The following CXCL2 variants were observed in gnomAD, a reference collection of about 807,000 sequenced individuals.
CXCL2 encodes C-X-C motif chemokine 2.
In CXCL2, 12 loss-of-function variants were observed where a neutral mutation model predicts 11.2. The observed-to-expected ratio is 1.08, with a 90% CI of 0.69 to 1.74. The LOEUF (loss-of-function observed/expected upper bound fraction) is 1.74, where lower values mean the gene tolerates loss of function less well. Among genes scored for constraint, CXCL2 ranks in the 40% most tolerant of loss-of-function variants. CXCL2 has a pLI of 0.00. For synonymous variants in CXCL2, 68 were observed against 61.9 expected (o/e 1.10, Z -0.47); for missense variants, 120 against 137.8 (o/e 0.87, Z 0.65).
At chr4:74,097,903 T>G (rs1721316176) in intron 3 of CXCL2, 132 bp from the exon 4 acceptor site, 1 of 930,496 alleles carries the variant, frequency 1.1e-6, no homozygotes, top group Non-Finnish European at 1.5e-6. Flanking sequence ...CCCAAGTGGG[T>G]ACTGCCTGTG....
At chr4:74,098,765 A>G in intron 2 of CXCL2, 34 bp downstream of exon 2, 2 of 1,613,608 alleles carry the variant, frequency 1.2e-6, no homozygotes, top group Non-Finnish European at 1.7e-6. Flanking sequence ...CGGGGACCCC[A>G]GCAGTGGCAG....
At position 74,098,827 on chromosome 4, in the gene CXCL2, CG is replaced by C; in HGVS notation, c.195del (p.Gly66AspfsTer10). On this transcript the variant is annotated frameshift_variant, in exon 2 of 4. Transcript: ENST00000508487. LOFTEE classifies it high-confidence loss of function. ...ACTTCGGTTTGGGCGCAGTGGGGTC[CG>C]GGGGACTTCACCTTCACACTTTGGA... Reference protein sequence around the residue: ...KNIQSVKVKSPGPHCAQTEVI... With the variant: ...KNIQSVKVKSXGPHCAQTEVI... The C allele has an allele frequency of 1.9e-6, 3 of 1,614,096 alleles. No individual in the cohort carries two copies. The highest frequency in any genetic ancestry group is 2.5e-6 in the Non-Finnish European group (3 of 1,179,996).
In CXCL2 at chr4:74,099,028, G is replaced by T. The variant is rs750947723; in HGVS notation, c.93C>A (p.Arg31=). The stretch of plus-strand genomic sequence containing the variant: ...CAGGGCGCCGGGACCCACCTGCTGC[G>T]CGCCGGCTGGCGGCCACCAGGAGCA... The part of the protein sequence containing the change: ...LLLLLVAASR[R]AAGAPLATEL... The change falls in exon 1 of 4, where the codon CGC becomes CGA. Residue 31 remains arginine (R), a synonymous_variant. Transcript: ENST00000508487. The T allele has an allele frequency of 2.1e-5, 31 of 1,471,624 alleles. No homozygotes were observed. Among genetic ancestry groups the T allele is most frequent in the Non-Finnish European group, 2.5e-5 (28 of 1,114,880 alleles). The allele number at this position is 1,471,624 out of a possible 1,614,324, so 91.2% of individuals were successfully genotyped here.
At chr4:74,097,948 G>A (rs1352592660) in intron 3 of CXCL2, among the ~76,000 whole-genome samples, 177 bp from the exon 4 acceptor site, 1 of 152,184 alleles carries the variant, frequency 6.6e-6, no homozygotes, top group Non-Finnish European at 1.5e-5. Flanking sequence ...CTCTAGGCTT[G>A]GGATGCTCTT....
chr4:74,097,436 T>A lies in CXCL2; in HGVS notation c.*320A>T, dbSNP rs1721303656. 5.7e-6 allele frequency: 1 copy of A among 175,326 alleles called. No homozygotes were observed. The highest frequency in any genetic ancestry group is 6.3e-5 in the Admixed American group (1 of 15,938). 10.9% of individuals were successfully genotyped at this position (175,326 alleles called of 1,614,324 possible). ...AATGACTAGAGAATATCTGCAAACC[T>A]TCTATCTTCAAATTAAATATGAATC... is the stretch of plus-strand genomic sequence containing the variant. On this transcript the variant is annotated 3_prime_UTR_variant, in exon 4 of 4. Transcript: ENST00000508487.
chr4:74,097,306 A>G lies in CXCL2; in HGVS notation c.*450T>C, dbSNP rs1375277186. ...TTACAGTTACAAAATAGACACACATACATTTCCCTGCCGTCACATTGATCT... is the reference window on the plus strand; with the variant it reads ...TTACAGTTACAAAATAGACACACATGCATTTCCCTGCCGTCACATTGATCT... On this transcript the variant is annotated 3_prime_UTR_variant, in exon 4 of 4. Coordinates refer to ENST00000508487, the MANE Select transcript of CXCL2 (RefSeq NM_002089.4). 1 of 152,324 alleles carries G rather than the reference A, an allele frequency of 6.6e-6. No homozygotes were observed. Among genetic ancestry groups the G allele is most frequent in the African/African-American group, 2.4e-5 (1 of 41,450 alleles). 9.4% of individuals were successfully genotyped at this position (152,324 alleles called of 1,614,324 possible). A position where few individuals can be genotyped will look rare whatever the true frequency, so the allele number is the denominator to read the frequency against.
chr4:74,098,044 C>T (rs1213567807), intron 3 of CXCL2, among the ~76,000 whole-genome samples: 1 of 152,188 alleles, frequency 6.6e-6, no homozygotes, highest in East Asian at 1.9e-4. Flanking sequence ...TGCTCTTTGT[C>T]ATACTGGGCC....
Position 74,097,644 on chromosome 4 carries a change from T to C in CXCL2, c.*112A>G. 3.1e-6 allele frequency: 3 copies of C among 976,794 alleles called. No homozygotes were observed. Among genetic ancestry groups the C allele is most frequent in the Non-Finnish European group, 2.8e-6 (2 of 705,956 alleles). The allele number at this position is 976,794 out of a possible 1,614,324, so 60.5% of individuals were successfully genotyped here. ...TCTCCTAAGTGATGCTCAAACACAT[T>C]AGGCGCAATCCAGGTGGCCTCTGCA... is the stretch of plus-strand genomic sequence containing the variant. On this transcript the variant is annotated 3_prime_UTR_variant, in exon 4 of 4. Transcript: ENST00000508487.
In CXCL2 at chr4:74,097,787, G is replaced by C. The variant is rs1156572279; in HGVS notation, c.309-16C>G. ...GGATTTGCCACTGTAATGAGAAAAT[G>C]GGTGCCCTGAGTAGGTGCTCAGGAA... On this transcript the variant is annotated splice_polypyrimidine_tract_variant and intron_variant, in intron 3 of 3. Coordinates refer to ENST00000508487, the MANE Select transcript of CXCL2 (RefSeq NM_002089.4). 6.3e-7 allele frequency: 1 copy of C among 1,594,732 alleles called. No homozygotes were observed. The highest frequency in any genetic ancestry group is 8.6e-7 in the Non-Finnish European group (1 of 1,168,702).
In CXCL2 at chr4:74,098,584, T is replaced by C. The variant is rs1277113065; in HGVS notation, c.308+17A>G. On this transcript the variant is annotated intron_variant, in intron 3 of 3. Coordinates refer to ENST00000508487, the MANE Select transcript of CXCL2 (RefSeq NM_002089.4). ...CAACAGCTCCAGTCGCCTGTGTACATGGAAATTATAACTTACTTTTTCAGC... is the reference window on the plus strand; with the variant it reads ...CAACAGCTCCAGTCGCCTGTGTACACGGAAATTATAACTTACTTTTTCAGC... The C allele has an allele frequency of 1.9e-6, 3 of 1,613,058 alleles. No individual in the cohort carries two copies. The highest frequency in any genetic ancestry group is 1.7e-5 in the Admixed American group (1 of 60,008).
chr4:74,097,972 T>G (rs773161715), intron 3 of CXCL2, among the ~76,000 whole-genome samples: 2 of 151,898 alleles, frequency 1.3e-5, no homozygotes, highest in Non-Finnish European at 1.5e-5. Context: ...GGAATGGGGG[T>G]GACGTGGGGT....
In CXCL2 at chr4:74,099,148, G is replaced by C; in HGVS notation, c.-28C>G. On this transcript the variant is annotated 5_prime_UTR_variant, in exon 1 of 4. Coordinates refer to ENST00000508487, the MANE Select transcript of CXCL2 (RefSeq NM_002089.4). ...GGCTCAGCAGGCGGTTCGAGCGGCT[G>C]TGCGAGGAGGAGAGCTGGCAAGGAG... 2 of 1,468,004 alleles carry C rather than the reference G, an allele frequency of 1.4e-6. No homozygotes were observed. The highest frequency in any genetic ancestry group is 2.5e-5 in the Admixed American group (1 of 40,612). The allele number at this position is 1,468,004 out of a possible 1,614,324, so 90.9% of individuals were successfully genotyped here.
rs1177493570 is a variant in CXCL2, at chr4:74,098,885, C to A, written c.138G>T (p.Leu46Phe). ...TGAGGTGAATTCCCTGCAGGGTCTG[C>A]AAGCACTGGCAGCGCAGTTCAGTGG... ...PLATELRCQC[L>F]QTLQGIHLKN... Residue 46 changes from leucine to phenylalanine, a missense_variant, in exon 2 of 4, where the codon TTG becomes TTT. Transcript: ENST00000508487. The A allele has an allele frequency of 1.2e-6, 2 of 1,614,186 alleles. No individual in the cohort carries two copies. Among genetic ancestry groups the A allele is most frequent in the South Asian group, 2.2e-5 (2 of 91,090 alleles).
rs201836008 is a variant in CXCL2, at chr4:74,098,604, T to G, written c.305A>C (p.Lys102Thr). 3.9e-5 allele frequency: 63 copies of G among 1,614,048 alleles called. No homozygotes were observed. In the South Asian group the frequency reaches 6.2e-4, roughly 16 times the overall value. The change falls in exon 3 of 4, where the codon AAA becomes ACA. Residue 102 changes from lysine to threonine, a missense_variant. Lys to Thr is a moderately conservative substitution (Grantham distance 78, BLOSUM62 -1). Coordinates refer to ENST00000508487, the MANE Select transcript of CXCL2 (RefSeq NM_002089.4). ...GTACATGGAAATTATAACTTACTTT[T>G]TCAGCATCTTTTCGATGATTTTCTT... ...MVKKIIEKML[K>T]NGKSN
At chr4:74,098,535 G>A in intron 3 of CXCL2, 66 bp downstream of exon 3, 1 of 1,515,270 alleles carries the variant, frequency 6.6e-7, no homozygotes, top group South Asian at 1.2e-5. Flanking sequence ...TACTTTTTAG[G>A]GGGCAGACGC....
In CXCL2 at chr4:74,099,046, C is replaced by G. The variant is rs1162652381; in HGVS notation, c.75G>C (p.Leu25=). ...LLRVALLLLL[L]VAASRRAAGA... The stretch of plus-strand genomic sequence containing the variant: ...CTGCTGCGCGCCGGCTGGCGGCCAC[C>G]AGGAGCAGGAGCAGCAGCGCCACCC... Residue 25 remains leucine, a synonymous_variant, in exon 1 of 4, where the codon CTG becomes CTC. Coordinates refer to ENST00000508487, the MANE Select transcript of CXCL2 (RefSeq NM_002089.4). 10 of 1,482,930 alleles carry G rather than the reference C, an allele frequency of 6.7e-6. No homozygotes were observed. The highest frequency in any genetic ancestry group is 1.5e-5 in the African/African-American group (1 of 68,206). The allele number at this position is 1,482,930 out of a possible 1,614,324, so 91.9% of individuals were successfully genotyped here. A position where few individuals can be genotyped will look rare whatever the true frequency, so the allele number is the denominator to read the frequency against.
Position 74,098,839 on chromosome 4 carries a change from C to T in CXCL2, c.184G>A (p.Val62Met). Residue 62 changes from valine (V) to methionine (M), a missense_variant, in exon 2 of 4, where the codon GTG becomes ATG. Transcript: ENST00000508487. ...IHLKNIQSVK[V>M]KSPGPHCAQT... ...GCGCAGTGGGGTCCGGGGGACTTCA[C>T]CTTCACACTTTGGATGTTCTTGAGG... 2 of 1,614,184 alleles carry T rather than the reference C, an allele frequency of 1.2e-6. No homozygotes were observed. Among genetic ancestry groups the T allele is most frequent in the Non-Finnish European group, 1.7e-6 (2 of 1,180,028 alleles).
At chr4:74,097,858 TAG>T in intron 3 of CXCL2, 87 bp from the exon 4 acceptor site, 29 of 1,358,880 alleles carry the variant, frequency 2.1e-5, no homozygotes, top group Non-Finnish European at 2.8e-5. Context: ...CCCCAGGCTC[TAG>T]AGTTTTCTGA....
intron 3 of CXCL2, 108 bp from the exon 4 acceptor site, chr4:74,097,879 TC>T (rs1721315543): frequency 8.1e-7 from 1 of 1,228,748 alleles, no homozygotes; most frequent in Non-Finnish European, 1.1e-6. Flanking sequence ...GAATGCAGTT[TC>T]CCCAGCCTGG....
Sources: gnomAD v4.1 joint callset for allele counts (sites outside exome capture counted in the v4.1 genomes callset) on GRCh38, gnomAD v4.1.1 for gene constraint, MANE v1.5 for transcripts, NCBI Gene and HGNC (gene_info 2026-07-23, HGNC 2026-07-21) for gene names.